The following CCDC141 variants were observed in gnomAD, a reference collection of about 807,000 sequenced individuals.
The protein encoded by CCDC141 is coiled-coil domain containing 141.
CCDC141 carries 168 observed loss-of-function variants against 181.0 expected under a neutral mutation model. The ratio of observed to expected loss-of-function variants is 0.93; its 90% confidence interval spans 0.82 to 1.05. The LOEUF (loss-of-function observed/expected upper bound fraction) is 1.05, where lower values mean the gene tolerates loss of function less well. Among genes scored for constraint, CCDC141 ranks in the 50% least tolerant of loss-of-function variants. The pLI, the probability that CCDC141 is intolerant of heterozygous loss-of-function variation, is 0.00. For missense variants in CCDC141, 1,902 were observed against 1,788.5 expected (o/e 1.06, Z -1.14); for synonymous variants, 666 against 642.3 (o/e 1.04, Z -0.56).
In CCDC141 at chr2:178,975,070, T is replaced by A. The variant is rs1448123143; in HGVS notation, c.513A>T (p.Glu171Asp). 1.3e-6 allele frequency: 2 copies of A among 1,498,554 alleles called. No individual in the cohort carries two copies. The highest frequency in any genetic ancestry group is 1.3e-5 in the South Asian group (1 of 79,714). 92.8% of individuals were successfully genotyped at this position (1,498,554 alleles called of 1,614,324 possible). The change falls in exon 4 of 24, where the codon GAA becomes GAT. Residue 171 changes from glutamate (E) to aspartate (D), a missense_variant. Transcript: ENST00000443758. The part of the protein sequence containing the change: ...ESLKSLLQLH[E>D]HHTKELLERS... Reference sequence around the variant, plus strand: ...CATATTTCTTGCCTTTAGTATGATGTTCATGAAGCTGAAGAAGTGATTTTA... The same window carrying A: ...CATATTTCTTGCCTTTAGTATGATGATCATGAAGCTGAAGAAGTGATTTTA...
chr2:178,986,614 CAA>C (rs1691755279), intron 2 of CCDC141, among the ~76,000 whole-genome samples: 3 of 151,394 alleles, frequency 2.0e-5, no homozygotes, highest in South Asian at 4.2e-4. Context: ...GCAACTTCAG[CAA>C]AGTCTCAGGA....
chr2:179,035,143 G>T (rs192740951), intron 2 of CCDC141, among the ~76,000 whole-genome samples: 20 of 152,000 alleles, frequency 1.3e-4, no homozygotes, highest in African/African-American at 4.8e-4. Flanking sequence ...TGTCTATCAA[G>T]AAACTATATC....
In CCDC141 at chr2:178,834,234, C is replaced by T. The variant is rs746733810; in HGVS notation, c.4532G>A (p.Trp1511Ter). 6.5e-7 allele frequency: 1 copy of T among 1,536,226 alleles called. No individual in the cohort carries two copies. The highest frequency in any genetic ancestry group is 1.2e-5 in the South Asian group (1 of 84,058). ...NCRLPITRVNWITLCVVYVSV... is the reference protein window; with the variant it reads ...NCRLPITRVN ...AACATAGACGACACACAGGGTTATC[C>T]AGTTTACTCTTGTGATTGGCAGCCT... Residue 1511 changes from tryptophan to a stop codon, truncating the protein, a stop_gained, in exon 24 of 24, where the codon TGG becomes TAG. Transcript: ENST00000443758. LOFTEE classifies it high-confidence loss of function.
intron 14 of CCDC141, among the ~76,000 whole-genome samples, chr2:178,870,693 C>T (rs1353834634): frequency 6.6e-6 from 1 of 152,156 alleles, no homozygotes; most frequent in Non-Finnish European, 1.5e-5. Flanking sequence ...CTAAAGGAAT[C>T]TTCAATATTC....
At chr2:178,858,463 A>G (rs566776322) in intron 17 of CCDC141, among the ~76,000 whole-genome samples, 1 of 152,282 alleles carries the variant, frequency 6.6e-6, no homozygotes, top group African/African-American at 2.4e-5. Context: ...GAAACCAGAC[A>G]TTATTGTTTT....
At position 178,865,811 on chromosome 2, in the gene CCDC141, A is replaced by T; in HGVS notation, c.2680T>A (p.Ser894Thr). 6.2e-7 allele frequency: 1 copy of T among 1,604,820 alleles called. No individual in the cohort carries two copies. Among genetic ancestry groups the T allele is most frequent in the South Asian group, 1.1e-5 (1 of 89,434 alleles). The change falls in exon 17 of 24, where the codon TCC becomes ACC. Residue 894 changes from serine to threonine, a missense_variant. Coordinates refer to ENST00000443758, the MANE Select transcript of CCDC141 (RefSeq NM_173648.4). ...ATGGCGCAGTACTCCACACTACGGG[A>T]CAGGGTCCGTCCATACTCCTCAGCT... ...AKAEEYGRTL[S>T]RSVEYCAMRD...
intron 6 of CCDC141, among the ~76,000 whole-genome samples, chr2:178,942,001 A>G (rs971611304): frequency 2.1e-5 from 3 of 141,856 alleles, no homozygotes; most frequent in South Asian, 2.3e-4. Flanking sequence ...AAAAAAAAAA[A>G]GGGAAAAGAA....
chr2:178,981,903 T>C (rs939989335), intron 2 of CCDC141, among the ~76,000 whole-genome samples: 1 of 150,292 alleles, frequency 6.7e-6, no homozygotes, highest in Non-Finnish European at 1.5e-5. Context: ...GTCAGGCTAA[T>C]CAAGAAAGAA....
At chr2:179,029,242 T>C (rs1207871880) in intron 2 of CCDC141, among the ~76,000 whole-genome samples, 1 of 152,222 alleles carries the variant, frequency 6.6e-6, no homozygotes, top group Non-Finnish European at 1.5e-5. Flanking sequence ...GTCAGCATTT[T>C]GTATATAGTC....
At chr2:179,023,683 C>T (rs1291291972) in intron 2 of CCDC141, among the ~76,000 whole-genome samples, 1 of 152,072 alleles carries the variant, frequency 6.6e-6, no homozygotes, top group Non-Finnish European at 1.5e-5. Flanking sequence ...AATCTCTGTC[C>T]TGAGGAAAAC....
At chr2:178,924,856 G>A (rs1444411325) in intron 6 of CCDC141, among the ~76,000 whole-genome samples, 1 of 152,238 alleles carries the variant, frequency 6.6e-6, no homozygotes, top group African/African-American at 2.4e-5. Context: ...CATTGCGACT[G>A]AACCAGGGAG....
intron 22 of CCDC141, 111 bp from the exon 23 acceptor site, chr2:178,837,855 A>C (rs1684556274): frequency 1.7e-6 from 2 of 1,208,648 alleles, no homozygotes; most frequent in African/African-American, 3.1e-5. Context: ...CTACAAGGTT[A>C]AAATTTAGGG....
Position 178,958,592 on chromosome 2 carries a change from C to A in CCDC141, c.780+2638G>T, listed in dbSNP as rs146656725. Among the ~76,000 whole-genome samples, 288 of 152,278 alleles carry A rather than the reference C, an allele frequency of 1.9e-3. 2 individuals are homozygous for A. Among genetic ancestry groups the A allele is most frequent in the African/African-American group, 6.7e-3 (279 of 41,552 alleles). ...AAACCTTCTGCTATACCTTACTTTA[C>A]TTATTAGCAAATGTATTTCTGCTTT... On this transcript the variant is annotated intron_variant, in intron 5 of 23. Transcript: ENST00000443758.
the CCDC141 span, among the ~76,000 whole-genome samples, chr2:178,816,706 T>C: frequency 1.3e-5 from 2 of 152,216 alleles, no homozygotes; most frequent in Non-Finnish European, 2.9e-5. Flanking sequence ...AGCATTTGGC[T>C]TTGTCAGTGC....
intron 7 of CCDC141, among the ~76,000 whole-genome samples, chr2:178,912,257 G>GC (rs765455679): frequency 1.3e-5 from 2 of 152,270 alleles, no homozygotes; most frequent in South Asian, 2.1e-4. Flanking sequence ...ACAGAGAGAT[G>GC]CAACAATCTG....
chr2:178,935,603 A>G (rs1689253698), intron 6 of CCDC141, among the ~76,000 whole-genome samples: 1 of 152,052 alleles, frequency 6.6e-6, no homozygotes, highest in South Asian at 2.1e-4. Context: ...ATGTGTCTTT[A>G]TGGTAGAATG....
intron 2 of CCDC141, among the ~76,000 whole-genome samples, chr2:179,014,425 C>A (rs576351460): frequency 2.6e-5 from 4 of 152,026 alleles, no homozygotes; most frequent in Non-Finnish European, 4.4e-5. Context: ...ATAGCTGGGA[C>A]CTAATGAAAC....
intron 8 of CCDC141, among the ~76,000 whole-genome samples, chr2:178,902,528 G>A (rs1228552973): frequency 6.6e-6 from 1 of 152,150 alleles, no homozygotes; most frequent in Admixed American, 6.6e-5. Flanking sequence ...TTTAATAAAT[G>A]GTGCTGGGAA....
At chr2:179,008,357 T>A (rs1474915965) in intron 2 of CCDC141, among the ~76,000 whole-genome samples, 1 of 152,166 alleles carries the variant, frequency 6.6e-6, no homozygotes, top group Non-Finnish European at 1.5e-5. Flanking sequence ...ACATGGCAGC[T>A]TCAGCAAGGC....
Sources: allele counts gnomAD v4.1 joint callset (sites outside exome capture counted in the v4.1 genomes callset), GRCh38; gene constraint gnomAD v4.1.1; transcripts MANE v1.5; gene names NCBI Gene and HGNC (gene_info 2026-07-23, HGNC 2026-07-21).